Variants in PLCD3 observed in about 807,000 individuals in gnomAD.
PLCD3 encodes the protein 1-phosphatidylinositol 4,5-bisphosphate phosphodiesterase delta-3.
In PLCD3, 62 loss-of-function variants were observed where a neutral mutation model predicts 82.8. The ratio of observed to expected loss-of-function variants is 0.75; its 90% CI spans 0.61 to 0.93. The LOEUF (loss-of-function observed/expected upper bound fraction) is 0.93. Ranked by LOEUF, PLCD3 falls within the 40% of genes least tolerant of loss-of-function variation. The pLI is 0.00. For synonymous variants in PLCD3, 478 were observed against 471.8 expected, an observed-to-expected ratio of 1.01 and a Z score of -0.17; for missense variants, 1,023 against 1,103.4, an observed-to-expected ratio of 0.93 and a Z score of 1.03.
intron 1 of PLCD3, among the ~76,000 whole-genome samples, chr17:45,127,518 G>A (rs1160528885): frequency 6.6e-6 from 1 of 152,166 alleles, no homozygotes; most frequent in African/African-American, 2.4e-5. Flanking sequence ...AGCTGGAAGG[G>A]GCCCCAAATC....
intron 10 of PLCD3, among the ~76,000 whole-genome samples, chr17:45,114,886 T>C (rs1005605424): frequency 2.6e-5 from 4 of 152,056 alleles, no homozygotes; most frequent in Non-Finnish European, 4.4e-5. Flanking sequence ...CACAGGGCTC[T>C]GAAGGCAGAC....
intron 14 of PLCD3, 52 bp from the exon 15 acceptor site, chr17:45,112,756 G>A: frequency 6.3e-7 from 1 of 1,588,914 alleles, no homozygotes; most frequent in African/African-American, 1.3e-5. Flanking sequence ...TGGGGGTCTG[G>A]CCCAGCCCGG....
At chr17:45,124,124 A>C (rs976741600) in intron 1 of PLCD3, among the ~76,000 whole-genome samples, 3 of 152,210 alleles carry the variant, frequency 2.0e-5, no homozygotes, top group Non-Finnish European at 4.4e-5. Context: ...CAGGCTCTGC[A>C]GCTGGGGCTG....
chr17:45,125,578 A>G (rs888658087), intron 1 of PLCD3, among the ~76,000 whole-genome samples: 2 of 152,274 alleles, frequency 1.3e-5, no homozygotes, highest in African/African-American at 2.4e-5. Context: ...CCTGGGAGAC[A>G]TGGCGAGACT....
rs370075388 is a variant in PLCD3, at chr17:45,127,726, G to A, written c.163+4522C>T. On this transcript the variant is annotated intron_variant, in intron 1 of 14. Coordinates refer to ENST00000619929, the MANE Select transcript of PLCD3 (RefSeq NM_133373.5). Reference sequence around the variant, plus strand: ...GGCATGCAGGCAGGGCAGGGTGTGTGTGGGGTGTATGCATAGGTGGGGAGT... The same window carrying A: ...GGCATGCAGGCAGGGCAGGGTGTGTATGGGGTGTATGCATAGGTGGGGAGT... 6.6e-5 allele frequency among the ~76,000 whole-genome samples: 10 copies of A among 152,230 alleles called. No individual in the cohort carries two copies. In the East Asian group the frequency reaches 1.4e-3, roughly 21 times the overall value.
In PLCD3 at chr17:45,118,162, C is replaced by T. The variant is rs376890014; in HGVS notation, c.1116-24G>A. Reference sequence around the variant, plus strand: ...CCCTGTGTGTGGACAGATGGGTGGACGGGCAAGGTGTTGCCAGAGTGCCAC... The same window carrying T: ...CCCTGTGTGTGGACAGATGGGTGGATGGGCAAGGTGTTGCCAGAGTGCCAC... On this transcript the variant is annotated intron_variant, in intron 6 of 14. Transcript: ENST00000619929. This position sits in a 1 kb window ranked among gnomAD's most constrained non-coding sequence, Gnocchi z 4.1. 155 of 1,613,650 alleles carry T rather than the reference C, an allele frequency of 9.6e-5. 1 individual carries two copies. The Middle Eastern group carries it at 1.5e-3, about 15-fold the overall frequency.
intron 11 of PLCD3, 23 bp from the exon 12 acceptor site, chr17:45,113,628 G>C (rs998173948): frequency 6.4e-7 from 1 of 1,552,152 alleles, no homozygotes; most frequent in Non-Finnish European, 8.7e-7. Context: ...CAGGGTCAGA[G>C]CAGGGGCTCT....
At chr17:45,131,255 A>T (rs2054438704) in intron 1 of PLCD3, among the ~76,000 whole-genome samples, 1 of 152,240 alleles carries the variant, frequency 6.6e-6, no homozygotes, top group Admixed American at 6.5e-5. Context: ...CAAGTTCTAC[A>T]CGGGGTCCCT....
At chr17:45,119,184 T>A in intron 4 of PLCD3, 141 bp from the exon 5 acceptor site, 1 of 649,904 alleles carries the variant, frequency 1.5e-6, no homozygotes, top group Non-Finnish European at 2.6e-6. Context: ...CTTGTGACTC[T>A]AGCTCACACA....
chr17:45,117,106 G>A (rs914603902), intron 7 of PLCD3, among the ~76,000 whole-genome samples: 57 of 152,040 alleles, frequency 3.7e-4, no homozygotes, highest in East Asian at 1.9e-4. Context: ...CACCACACCC[G>A]GCTAATTTTT....
In PLCD3 at chr17:45,115,062, C is replaced by T. The variant is rs755490600; in HGVS notation, c.1711+32G>A. On this transcript the variant is annotated intron_variant, in intron 10 of 14. Coordinates refer to ENST00000619929, the MANE Select transcript of PLCD3 (RefSeq NM_133373.5). ...CCCTTCAGGAGGTCTCTCACCCTCT[C>T]GCCCCCAGACACCCAGTGCCCCAGC... 63 of 1,572,202 alleles carry T rather than the reference C, an allele frequency of 4.0e-5. No homozygotes were observed. In the Middle Eastern group the frequency reaches 7.8e-4, roughly 19 times the overall value.
intron 1 of PLCD3, among the ~76,000 whole-genome samples, chr17:45,122,654 C>T (rs1214102755): frequency 6.6e-6 from 1 of 152,156 alleles, no homozygotes; most frequent in Non-Finnish European, 1.5e-5. Flanking sequence ...AAAATGGAGA[C>T]CACAATCATA....
chr17:45,123,723 A>G (rs1328139682), intron 1 of PLCD3, among the ~76,000 whole-genome samples: 1 of 152,160 alleles, frequency 6.6e-6, no homozygotes, highest in Non-Finnish European at 1.5e-5. Flanking sequence ...CCATGACTGA[A>G]AATCAGGGTC....
In PLCD3 at chr17:45,132,508, G is replaced by A. The variant is rs2054479231; in HGVS notation, c.-98C>T. On this transcript the variant is annotated 5_prime_UTR_variant, in exon 1 of 15. Coordinates refer to ENST00000619929, the MANE Select transcript of PLCD3 (RefSeq NM_133373.5). The surrounding 1 kb of genome is among the most constrained non-coding windows in gnomAD (Gnocchi z 4.6). ...CGGCCCCGGCTCTGAGCGAGGCGGC[G>A]AGCGAAGAAACTTAGCGGCGCGGGA... is the stretch of plus-strand genomic sequence containing the variant. 1.3e-5 allele frequency: 9 copies of A among 696,220 alleles called. No homozygotes were observed. The South Asian group carries it at 2.6e-4, about 20-fold the overall frequency. The allele number at this position is 696,220 out of a possible 1,614,324, so 43.1% of individuals were successfully genotyped here.
chr17:45,131,386 T>C (rs2143611720), intron 1 of PLCD3, among the ~76,000 whole-genome samples: 1 of 152,228 alleles, frequency 6.6e-6, no homozygotes, highest in East Asian at 1.9e-4. Flanking sequence ...CAGACAACAT[T>C]CTCGCACACA....
intron 11 of PLCD3, 129 bp from the exon 12 acceptor site, chr17:45,113,734 C>G (rs1048596526): frequency 8.7e-7 from 1 of 1,152,424 alleles, no homozygotes. Context: ...GCTCTGCTCC[C>G]ACCATGACTT....
In PLCD3 at chr17:45,115,325, C is replaced by G. The variant is rs1567878202; in HGVS notation, c.1560+19G>C. The G allele has an allele frequency of 6.6e-7, 1 of 1,517,302 alleles. No homozygotes were observed. The highest frequency in any genetic ancestry group is 2.1e-5 in the Admixed American group (1 of 47,854). The allele number at this position is 1,517,302 out of a possible 1,614,324, so 94.0% of individuals were successfully genotyped here. A position where few individuals can be genotyped will look rare whatever the true frequency, so the allele number is the denominator to read the frequency against. ...CCCACCTTCCCCCCCTTCCCCACCC[C>G]ACCCATCCCAGCTCTCACCAGCCGC... is the stretch of plus-strand genomic sequence containing the variant. On this transcript the variant is annotated intron_variant, in intron 9 of 14. Coordinates refer to ENST00000619929, the MANE Select transcript of PLCD3 (RefSeq NM_133373.5).
chr17:45,125,832 AG>A (rs1424450006), intron 1 of PLCD3, among the ~76,000 whole-genome samples: 1 of 152,242 alleles, frequency 6.6e-6, no homozygotes, highest in Non-Finnish European at 1.5e-5. Flanking sequence ...GCAAGTTCAT[AG>A]AGACAGAAAG....
chr17:45,131,913 TG>T (rs200066244), intron 1 of PLCD3, among the ~76,000 whole-genome samples: 3,039 of 152,124 alleles, frequency 0.02, 46 homozygotes, highest in Middle Eastern at 0.058. Context: ...TAGATACTGC[TG>T]GGGAGCCGGA....
Sources: allele counts gnomAD v4.1 joint callset (sites outside exome capture counted in the v4.1 genomes callset), GRCh38; gene constraint gnomAD v4.1.1; non-coding constraint Gnocchi (gnomAD v3.1); transcripts MANE v1.5; gene names NCBI Gene and HGNC (gene_info 2026-07-23, HGNC 2026-07-21).